Variants in TMEM132D observed in about 807,000 individuals in gnomAD.
The protein encoded by TMEM132D is mature OL transmembrane protein.
Under a neutral mutation model 62.3 loss-of-function variants are expected in TMEM132D, and 21 were observed. The observed-to-expected ratio is 0.34, with a 90% CI of 0.24 to 0.49. The LOEUF is 0.49. Ranked by LOEUF, TMEM132D falls within the 20% of genes least tolerant of loss-of-function variation. The pLI is 0.99. For missense variants in TMEM132D, 1,346 were observed against 1,402.8 expected (o/e 0.96, Z 0.65); for synonymous variants, 621 against 575.6 (o/e 1.08, Z -1.13).
At chr12:129,497,719 G>A (rs995617453) in intron 3 of TMEM132D, among the ~76,000 whole-genome samples, 1 of 151,896 alleles carries the variant, frequency 6.6e-6, no homozygotes, top group African/African-American at 2.4e-5. Flanking sequence ...GAATACATTG[G>A]TGTGATCACA....
intron 4 of TMEM132D, among the ~76,000 whole-genome samples, chr12:129,238,825 T>C (rs375269863): frequency 3.2e-4 from 48 of 152,294 alleles, no homozygotes; most frequent in African/African-American, 1.1e-3. Flanking sequence ...TTGCTGTCAA[T>C]TCTTTGGGAT....
At chr12:129,498,208 C>T (rs1456407990) in intron 3 of TMEM132D, among the ~76,000 whole-genome samples, 1 of 151,878 alleles carries the variant, frequency 6.6e-6, no homozygotes, top group African/African-American at 2.4e-5. Context: ...TGAAGAACTG[C>T]AGGGGTTTAA....
At chr12:129,282,954 C>G (rs756248119) in intron 4 of TMEM132D, among the ~76,000 whole-genome samples, 11 of 152,140 alleles carry the variant, frequency 7.2e-5, no homozygotes, top group Non-Finnish European at 1.5e-4. Context: ...TCATCTGTTC[C>G]AGAATGCATG....
chr12:129,417,486 C>A (rs1398530887), intron 3 of TMEM132D, among the ~76,000 whole-genome samples: 1 of 152,180 alleles, frequency 6.6e-6, no homozygotes. Context: ...TCTGGGAAAA[C>A]TGGCTAGCCA....
chr12:129,683,788 C>G (rs1407283279), intron 2 of TMEM132D, among the ~76,000 whole-genome samples: 1 of 152,112 alleles, frequency 6.6e-6, no homozygotes, highest in Non-Finnish European at 1.5e-5. Context: ...GTTCTCTCAC[C>G]AAACACACAT....
chr12:129,343,139 C>A (rs1402813993), intron 3 of TMEM132D, among the ~76,000 whole-genome samples: 1 of 152,044 alleles, frequency 6.6e-6, no homozygotes, highest in East Asian at 1.9e-4. Flanking sequence ...ATGTTTATTG[C>A]GGCACTATTC....
intron 2 of TMEM132D, among the ~76,000 whole-genome samples, chr12:129,588,514 T>C (rs1258353627): frequency 1.3e-5 from 2 of 151,968 alleles, no homozygotes; most frequent in African/African-American, 4.8e-5. Flanking sequence ...ATGCATGGAG[T>C]TGCCAGAGAA....
chr12:129,363,182 A>G (rs1870304966), intron 3 of TMEM132D, among the ~76,000 whole-genome samples: 1 of 152,212 alleles, frequency 6.6e-6, no homozygotes, highest in African/African-American at 2.4e-5. Flanking sequence ...TTTGGTGTCT[A>G]GCCTTAGGGA....
At chr12:129,375,838 A>G (rs1156327302) in intron 3 of TMEM132D, among the ~76,000 whole-genome samples, 13 of 152,220 alleles carry the variant, frequency 8.5e-5, no homozygotes, top group Non-Finnish European at 1.0e-4. Context: ...TGTGGTTCTC[A>G]GCTCACTCAG....
intron 2 of TMEM132D, among the ~76,000 whole-genome samples, chr12:129,565,230 G>T (rs942306536): frequency 6.6e-6 from 1 of 152,192 alleles, no homozygotes; most frequent in African/African-American, 2.4e-5. Flanking sequence ...CAGTAAAGAA[G>T]AATCCCACAA....
chr12:129,238,792 T>C (rs1253333362), intron 4 of TMEM132D, among the ~76,000 whole-genome samples: 1 of 152,230 alleles, frequency 6.6e-6, no homozygotes, highest in East Asian at 1.9e-4. Context: ...TGAACATGGG[T>C]GTCCGAATAT....
rs142490484 is a variant in TMEM132D at position 129,545,571 on chromosome 12, C to T, written c.969-14366G>A. 2.0e-5 allele frequency among the ~76,000 whole-genome samples: 3 copies of T among 152,214 alleles called. No homozygotes were observed. The South Asian group carries it at 6.2e-4, about 32-fold the overall frequency. On this transcript the variant is annotated intron_variant, in intron 2 of 8. Coordinates refer to ENST00000422113, the MANE Select transcript of TMEM132D (RefSeq NM_133448.3). ...GTGCTGTGGATCTCTAGAGCTTATG[C>T]GTCTTGCATAACTGAGACTTCATGC...
rs1232149831 is a variant in TMEM132D at position 129,747,884 on chromosome 12, GAC to G, written c.80-47188_80-47187del. On this transcript the variant is annotated intron_variant, in intron 1 of 8. Transcript: ENST00000422113. ...CACACACGACACACACACACATTCA[GAC>G]ACACACACAGCTGAACTCATCTCCC... is the stretch of plus-strand genomic sequence containing the variant. Among the ~76,000 whole-genome samples, 7 of 151,434 alleles carry G rather than the reference GAC, an allele frequency of 4.6e-5. No individual in the cohort carries two copies. In the East Asian group the frequency reaches 9.7e-4, roughly 21 times the overall value.
intron 3 of TMEM132D, among the ~76,000 whole-genome samples, chr12:129,461,050 G>T (rs972371852): frequency 6.6e-6 from 1 of 152,196 alleles, no homozygotes; most frequent in Admixed American, 6.5e-5. Context: ...TCCCAGTATG[G>T]GTTAGAATAA....
chr12:129,410,689 T>A (rs6486466), intron 3 of TMEM132D, among the ~76,000 whole-genome samples: 8 of 151,914 alleles, frequency 5.3e-5, no homozygotes, highest in Non-Finnish European at 1.0e-4. Flanking sequence ...TGTACTTGTC[T>A]GACTCCAGAA....
intron 5 of TMEM132D, among the ~76,000 whole-genome samples, chr12:129,158,937 A>T (rs1368274549): frequency 1.3e-5 from 2 of 152,154 alleles, no homozygotes; most frequent in African/African-American, 4.8e-5. Context: ...GAAGCAAGGG[A>T]AATGCCCCTT....
chr12:129,896,201 T>C (rs1194552561), intron 1 of TMEM132D, among the ~76,000 whole-genome samples: 1 of 151,912 alleles, frequency 6.6e-6, no homozygotes, highest in Non-Finnish European at 1.5e-5. Flanking sequence ...CCCAGGCTGG[T>C]CTTGAACTCC....
At chr12:129,834,311 A>C (rs999326156) in intron 1 of TMEM132D, among the ~76,000 whole-genome samples, 2 of 152,130 alleles carry the variant, frequency 1.3e-5, no homozygotes, top group African/African-American at 4.8e-5. Context: ...GCTGCTGCTT[A>C]AATGGAGTTA....
chr12:129,169,232 C>T (rs1877647935), intron 5 of TMEM132D, among the ~76,000 whole-genome samples: 1 of 151,982 alleles, frequency 6.6e-6, no homozygotes, highest in Admixed American at 6.5e-5. Flanking sequence ...TGCAGCTGGT[C>T]TGGGGGTCCT....
Sources: gnomAD v4.1 joint callset for allele counts (sites outside exome capture counted in the v4.1 genomes callset) on GRCh38, gnomAD v4.1.1 for gene constraint, MANE v1.5 for transcripts, NCBI Gene and HGNC (gene_info 2026-07-23, HGNC 2026-07-21) for gene names.